The following IL1RAPL1 variants were observed in gnomAD, a reference collection of about 807,000 sequenced individuals.
IL1RAPL1 encodes interleukin 1 receptor accessory protein like 1, also known as interleukin-1 receptor accessory protein-like 1.
Under a neutral mutation model 48.4 loss-of-function variants are expected in IL1RAPL1, and 3 were observed. That is an observed-to-expected ratio of 0.06 (90% CI 0.03 to 0.16). The LOEUF is 0.16. IL1RAPL1 is among the 10% of genes least tolerant of loss of function. IL1RAPL1 has a pLI of 1.00. For missense variants in IL1RAPL1, 349 were observed against 530.6 expected, an observed-to-expected ratio of 0.66 and a Z score of 3.36; for synonymous variants, 185 against 187.7, an observed-to-expected ratio of 0.99 and a Z score of 0.12.
Position 29,350,709 on chromosome X carries a change from T to C in IL1RAPL1, c.363-45549T>C, listed in dbSNP as rs867908486. 3.6e-5 allele frequency among the ~76,000 whole-genome samples: 4 copies of C among 109,784 alleles called. No homozygotes were observed. The South Asian group carries it at 1.2e-3, about 33-fold the overall frequency. ...AGCTGCTGGGATAGGCTCCCACCAC[T>C]TGTGACTCGGAACTGGAATAAGCAG... On this transcript the variant is annotated intron_variant, in intron 3 of 10. Transcript: ENST00000378993.
chrX:29,231,081 C>T (rs1333503173), intron 2 of IL1RAPL1, among the ~76,000 whole-genome samples: 1 of 112,220 alleles, frequency 8.9e-6, no homozygotes, highest in African/African-American at 3.2e-5. Context: ...AATTTCACTA[C>T]CTGGATTCTT....
At chrX:29,244,855 C>T (rs777558718) in intron 2 of IL1RAPL1, among the ~76,000 whole-genome samples, 4 of 110,198 alleles carry the variant, frequency 3.6e-5, no homozygotes, top group Admixed American at 9.6e-5. Flanking sequence ...ATGTGCAGAA[C>T]GTGCAGGTTT....
chrX:29,236,529 C>CT (rs1931300303), intron 2 of IL1RAPL1, among the ~76,000 whole-genome samples: 2 of 60,343 alleles, frequency 3.3e-5, no homozygotes, highest in African/African-American at 1.7e-4. Context: ...TTTTTCCTTT[C>CT]TTTTTCTTTT....
intron 5 of IL1RAPL1, among the ~76,000 whole-genome samples, chrX:29,614,843 C>T (rs1332745061): frequency 1.8e-5 from 2 of 111,157 alleles, no homozygotes; most frequent in African/African-American, 3.3e-5. Context: ...TAAGAATATT[C>T]TTTACAATAG....
chrX:29,456,689 T>C (rs1216149891), intron 5 of IL1RAPL1, among the ~76,000 whole-genome samples: 1 of 111,622 alleles, frequency 9.0e-6, no homozygotes, highest in Non-Finnish European at 1.9e-5. Context: ...AAAGCTTTAA[T>C]ACCACCCACT....
chrX:29,128,959 G>T (rs985729024), intron 2 of IL1RAPL1, among the ~76,000 whole-genome samples: 1 of 110,268 alleles, frequency 9.1e-6, no homozygotes, highest in Admixed American at 9.7e-5. Context: ...AAACCACCAC[G>T]TGTAGGGACC....
chrX:28,684,218 A>G (rs1162728223), intron 1 of IL1RAPL1, among the ~76,000 whole-genome samples: 4 of 112,462 alleles, frequency 3.6e-5, no homozygotes, highest in East Asian at 2.8e-4. Flanking sequence ...CTGCTTTTGC[A>G]TATGCTATTT....
intron 2 of IL1RAPL1, among the ~76,000 whole-genome samples, chrX:29,088,398 G>A (rs1474024253): frequency 9.0e-6 from 1 of 110,786 alleles, no homozygotes; most frequent in Non-Finnish European, 1.9e-5. Context: ...TAATAAGGCC[G>A]GGCGTGGTGG....
At chrX:29,696,611 G>T (rs1400237354) in intron 6 of IL1RAPL1, among the ~76,000 whole-genome samples, 1 of 111,954 alleles carries the variant, frequency 8.9e-6, no homozygotes, top group Admixed American at 9.5e-5. Flanking sequence ...CTGAACACAA[G>T]ACTTCAGATG....
At chrX:29,393,551 G>T (rs1933884915) in intron 3 of IL1RAPL1, among the ~76,000 whole-genome samples, 1 of 111,367 alleles carries the variant, frequency 9.0e-6, no homozygotes, top group African/African-American at 3.3e-5. Flanking sequence ...CTCTGTATAT[G>T]AATGTCTCGT....
intron 1 of IL1RAPL1, among the ~76,000 whole-genome samples, chrX:28,599,013 G>C (rs1030422861): frequency 9.1e-6 from 1 of 109,635 alleles, no homozygotes; most frequent in Non-Finnish European, 1.9e-5. Flanking sequence ...GCCGAGGCAA[G>C]GGAAACAGCC....
chrX:28,905,747 G>A (rs771057465), intron 2 of IL1RAPL1, among the ~76,000 whole-genome samples: 2 of 111,496 alleles, frequency 1.8e-5, no homozygotes, highest in Non-Finnish European at 3.8e-5. Context: ...TGGAGTTTAC[G>A]GTTCAGTGGG....
At chrX:29,143,128 T>C (rs1034679063) in intron 2 of IL1RAPL1, among the ~76,000 whole-genome samples, 7 of 111,705 alleles carry the variant, frequency 6.3e-5, no homozygotes, top group African/African-American at 2.0e-4. Context: ...GCAAACTGAG[T>C]GCCTGCTACG....
chrX:29,775,558 G>T (rs1489240116), intron 6 of IL1RAPL1, among the ~76,000 whole-genome samples: 1 of 111,290 alleles, frequency 9.0e-6, no homozygotes, highest in African/African-American at 3.3e-5. Flanking sequence ...GGAGCTTTCA[G>T]TCTACTGGTA....
At chrX:29,753,464 T>C (rs928963368) in intron 6 of IL1RAPL1, among the ~76,000 whole-genome samples, 2 of 112,336 alleles carry the variant, frequency 1.8e-5, no homozygotes, top group Admixed American at 1.9e-4. Context: ...TTTTGTGGTA[T>C]TGTTTCAACA....
chrX:28,762,416 G>A (rs1038552469), intron 1 of IL1RAPL1, among the ~76,000 whole-genome samples: 5 of 110,897 alleles, frequency 4.5e-5, no homozygotes, highest in Non-Finnish European at 7.6e-5. Flanking sequence ...AAAGACAAAA[G>A]AAATGCAAAA....
chrX:29,102,635 C>T (rs181688428), intron 2 of IL1RAPL1, among the ~76,000 whole-genome samples: 578 of 105,956 alleles, frequency 5.5e-3, no homozygotes, highest in African/African-American at 0.016. Flanking sequence ...CTTTGCACTC[C>T]AGCCTGGGCA....
At chrX:29,509,633 A>T (rs1935372187) in intron 5 of IL1RAPL1, among the ~76,000 whole-genome samples, 1 of 111,698 alleles carries the variant, frequency 9.0e-6, no homozygotes, top group African/African-American at 3.3e-5. Flanking sequence ...TAAAGAAATG[A>T]ATGCTGTGTG....
intron 1 of IL1RAPL1, among the ~76,000 whole-genome samples, chrX:28,689,626 C>T (rs1477670689): frequency 3.6e-5 from 4 of 111,880 alleles, no homozygotes; most frequent in African/African-American, 6.5e-5. Flanking sequence ...GAACTCAAAA[C>T]GTCCTTTGAA....
Sources: gnomAD v4.1 joint callset for allele counts (sites outside exome capture counted in the v4.1 genomes callset) on GRCh38, gnomAD v4.1.1 for gene constraint, MANE v1.5 for transcripts, NCBI Gene and HGNC (gene_info 2026-07-23, HGNC 2026-07-21) for gene names.